CYP7B1: variants seen among roughly 807,000 people sequenced by gnomAD.
CYP7B1 encodes cytochrome P450 family 7 subfamily B member 1.
A neutral mutation model predicts 42.7 loss-of-function variants in CYP7B1; 29 were observed. That is an observed-to-expected ratio of 0.68 (90% confidence interval 0.51 to 0.93). CYP7B1 has a LOEUF of 0.93. Ranked by LOEUF, CYP7B1 falls within the 40% of genes least tolerant of loss-of-function variation. The probability of loss-of-function intolerance (pLI) is 0.00; values close to 1 mark genes in which losing one functional copy is unlikely to be tolerated. For missense variants in CYP7B1, 655 were observed against 600.5 expected, an observed-to-expected ratio of 1.09 and a Z score of -0.95; for synonymous variants, 235 against 218.2, an observed-to-expected ratio of 1.08 and a Z score of -0.68.
intron 1 of CYP7B1, among the ~76,000 whole-genome samples, chr8:64,652,705 G>A (rs765123547): frequency 3.9e-5 from 6 of 152,098 alleles, no homozygotes; most frequent in African/African-American, 4.8e-5. Context: ...TTAGCCGGGC[G>A]TGGTGGCAGG....
chr8:64,716,095 T>A (rs992319481), intron 1 of CYP7B1, among the ~76,000 whole-genome samples: 2 of 152,258 alleles, frequency 1.3e-5, no homozygotes, highest in Non-Finnish European at 2.9e-5. Context: ...TTAAAGCTTA[T>A]GTTTTGCGTT....
intron 1 of CYP7B1, among the ~76,000 whole-genome samples, chr8:64,689,539 G>A (rs1368372967): frequency 6.6e-6 from 1 of 151,938 alleles, no homozygotes; most frequent in African/African-American, 2.4e-5. Flanking sequence ...CTTTTAACTG[G>A]CTAATAGACC....
At chr8:64,601,092 T>C (rs549944178) in intron 5 of CYP7B1, among the ~76,000 whole-genome samples, 1 of 152,340 alleles carries the variant, frequency 6.6e-6, no homozygotes, top group South Asian at 2.1e-4. Context: ...ATCTGCCATG[T>C]CATTCTAAGA....
At chr8:64,606,608 C>G (rs1317099078) in intron 4 of CYP7B1, among the ~76,000 whole-genome samples, 2 of 152,122 alleles carry the variant, frequency 1.3e-5, no homozygotes, top group Admixed American at 6.5e-5. Flanking sequence ...TTGCGCCCAC[C>G]ACAGTATCAC....
rs536521549 is a variant in CYP7B1 at position 64,728,655 on chromosome 8, T to A, written c.122+69811A>T. Among the ~76,000 whole-genome samples, 25 of 152,334 alleles carry A rather than the reference T, an allele frequency of 1.6e-4. No homozygotes were observed. In the South Asian group the frequency reaches 1.7e-3, roughly 10 times the overall value. On this transcript the variant is annotated intron_variant, in intron 1 of 5. Coordinates refer to ENST00000310193, the MANE Select transcript of CYP7B1 (RefSeq NM_004820.5). ...AAAGAAGCTGACACATACTAAATGT[T>A]CAGTAAATGTTGGTTGCTATTATTG... is the stretch of plus-strand genomic sequence containing the variant.
intron 1 of CYP7B1, among the ~76,000 whole-genome samples, chr8:64,794,089 G>A (rs1434580785): frequency 2.0e-5 from 3 of 152,198 alleles, no homozygotes; most frequent in Non-Finnish European, 4.4e-5. Flanking sequence ...GGACAGGATT[G>A]CCCCTGAGGG....
intron 1 of CYP7B1, among the ~76,000 whole-genome samples, chr8:64,748,745 C>G (rs1279353328): frequency 6.6e-6 from 1 of 152,210 alleles, no homozygotes; most frequent in African/African-American, 2.4e-5. Flanking sequence ...ACATCTCCTA[C>G]ATCCAAATTT....
chr8:64,719,813 C>A (rs924200892), intron 1 of CYP7B1, among the ~76,000 whole-genome samples: 3 of 152,206 alleles, frequency 2.0e-5, no homozygotes, highest in Non-Finnish European at 2.9e-5. Context: ...AGAAACTTCA[C>A]TTCCAATTGA....
chr8:64,616,341 C>A, intron 2 of CYP7B1, 60 bp from the exon 3 acceptor site: 1 of 1,054,426 alleles, frequency 9.5e-7, no homozygotes, highest in Non-Finnish European at 1.4e-6. Flanking sequence ...CAGAAATAAA[C>A]ACCACAAATT....
chr8:64,705,981 C>T (rs1806993130), intron 1 of CYP7B1, among the ~76,000 whole-genome samples: 1 of 151,916 alleles, frequency 6.6e-6, no homozygotes, highest in Admixed American at 6.6e-5. Context: ...CTCTGAACTC[C>T]AACGGGTTAT....
intron 1 of CYP7B1, among the ~76,000 whole-genome samples, chr8:64,682,938 A>G (rs1806561396): frequency 6.6e-6 from 1 of 152,234 alleles, no homozygotes; most frequent in Non-Finnish European, 1.5e-5. Context: ...AACAAATGGC[A>G]GTCCACTACA....
intron 1 of CYP7B1, among the ~76,000 whole-genome samples, chr8:64,683,735 G>A (rs1806576510): frequency 1.3e-5 from 2 of 151,938 alleles, no homozygotes; most frequent in Non-Finnish European, 2.9e-5. Flanking sequence ...CACCTACTAT[G>A]TACCCACAAA....
chr8:64,764,853 T>C (rs1353800708), intron 1 of CYP7B1, among the ~76,000 whole-genome samples: 1 of 152,110 alleles, frequency 6.6e-6, no homozygotes, highest in Admixed American at 6.5e-5. Context: ...GATTTAACAT[T>C]AACCACTGAA....
In CYP7B1 at chr8:64,596,225, G is replaced by C; in HGVS notation, c.*417C>G. The C allele has an allele frequency of 6.0e-6, 1 of 167,290 alleles. No individual in the cohort carries two copies. The highest frequency in any genetic ancestry group is 1.7e-4 in the East Asian group (1 of 5,752). 10.4% of individuals were successfully genotyped at this position (167,290 alleles called of 1,614,324 possible). On this transcript the variant is annotated 3_prime_UTR_variant, in exon 6 of 6. Transcript: ENST00000310193. The stretch of plus-strand genomic sequence containing the variant: ...AATTTCCTTCTTCTGTGAGAATTTG[G>C]AATTTGTTAGACTGTGTCCATTTCC...
At chr8:64,711,443 A>C (rs1008766733) in intron 1 of CYP7B1, among the ~76,000 whole-genome samples, 1 of 152,184 alleles carries the variant, frequency 6.6e-6, no homozygotes, top group East Asian at 1.9e-4. Flanking sequence ...GTGGCGCTAC[A>C]AAGAGGGTGA....
intron 1 of CYP7B1, among the ~76,000 whole-genome samples, chr8:64,782,599 T>G (rs1027743956): frequency 6.6e-6 from 1 of 152,210 alleles, no homozygotes; most frequent in Admixed American, 6.5e-5. Flanking sequence ...AGGTGAGCAC[T>G]CTAAGATATT....
intron 5 of CYP7B1, among the ~76,000 whole-genome samples, chr8:64,601,490 T>C (rs1805201991): frequency 6.6e-6 from 1 of 152,214 alleles, no homozygotes; most frequent in Admixed American, 6.5e-5. Flanking sequence ...AGCTTCTCTA[T>C]AGCTCCGGTT....
intron 1 of CYP7B1, among the ~76,000 whole-genome samples, chr8:64,762,627 A>C (rs1807906443): frequency 6.6e-6 from 1 of 152,220 alleles, no homozygotes; most frequent in Non-Finnish European, 1.5e-5. Context: ...CACAAATCTA[A>C]ACAGTATTAT....
At chr8:64,739,666 C>T (rs978579794) in intron 1 of CYP7B1, among the ~76,000 whole-genome samples, 12 of 152,230 alleles carry the variant, frequency 7.9e-5, no homozygotes, top group Middle Eastern at 3.4e-3. Flanking sequence ...ATAATGCCTT[C>T]GAATTTTCCA....
Sources: allele counts gnomAD v4.1 joint callset (sites outside exome capture counted in the v4.1 genomes callset), GRCh38; gene constraint gnomAD v4.1.1; transcripts MANE v1.5; gene names NCBI Gene and HGNC (gene_info 2026-07-23, HGNC 2026-07-21).